VPS53: variants seen among roughly 807,000 people sequenced by gnomAD.
VPS53 encodes the protein VPS53 subunit of GARP complex, also known as vacuolar protein sorting-associated protein 53 homolog.
VPS53 carries 70 observed loss-of-function variants against 107.0 expected under a neutral mutation model. The observed-to-expected ratio is 0.65, with a 90% CI of 0.54 to 0.80. VPS53 has a LOEUF of 0.80. Ranked by LOEUF, VPS53 falls within the 30% of genes least tolerant of loss-of-function variation. VPS53 has a pLI of 0.00. For synonymous variants in VPS53, 409 were observed against 393.3 expected (o/e 1.04, Z -0.47); for missense variants, 917 against 1,049.4 (o/e 0.87, Z 1.74).
chr17:582,431 A>G (rs981299475), intron 13 of VPS53, among the ~76,000 whole-genome samples: 1 of 142,524 alleles, frequency 7.0e-6, no homozygotes, highest in Admixed American at 7.2e-5. Context: ...TTCCCACAGA[A>G]CTTCCCTCAT....
intron 12 of VPS53, among the ~76,000 whole-genome samples, chr17:591,219 G>T (rs1316724121): frequency 2.7e-3 from 350 of 129,058 alleles, no homozygotes; most frequent in South Asian, 3.8e-3. Flanking sequence ...GGGATCGGTG[G>T]TGATATCCCC....
intron 11 of VPS53, among the ~76,000 whole-genome samples, chr17:606,170 TGA>T (rs1169666865): frequency 6.6e-6 from 1 of 152,132 alleles, no homozygotes; most frequent in East Asian, 1.9e-4. Flanking sequence ...GAGGCTTTGC[TGA>T]GAGAGTGAGA....
intron 4 of VPS53, chr17:675,283 C>T (rs1038546667): frequency 2.6e-5 from 4 of 152,156 alleles, no homozygotes; most frequent in Non-Finnish European, 4.4e-5. Context: ...TTAGAAGTAG[C>T]ACTTTGCCTA....
chr17:672,023 G>C (rs955235635), intron 4 of VPS53, among the ~76,000 whole-genome samples: 1 of 151,498 alleles, frequency 6.6e-6, no homozygotes. Flanking sequence ...GGTGGTAGGA[G>C]TCCCAAGAAG....
At chr17:702,983 G>C (rs938462171) in intron 2 of VPS53, among the ~76,000 whole-genome samples, 3 of 152,192 alleles carry the variant, frequency 2.0e-5, no homozygotes, top group Admixed American at 2.0e-4. Flanking sequence ...AGGTACGTGG[G>C]TTTCCTAAGC....
intron 19 of VPS53, among the ~76,000 whole-genome samples, chr17:522,242 A>G (rs1014627720): frequency 6.6e-6 from 1 of 152,216 alleles, no homozygotes; most frequent in Non-Finnish European, 1.5e-5. Context: ...TGGGTGACAG[A>G]GGGAGACCCT....
chr17:607,037 G>A (rs970753516), intron 11 of VPS53, among the ~76,000 whole-genome samples: 1 of 152,148 alleles, frequency 6.6e-6, no homozygotes, highest in African/African-American at 2.4e-5. Flanking sequence ...GTTAAGCAAT[G>A]CATGACTGAA....
At chr17:559,239 C>G (rs1435882813) in intron 15 of VPS53, among the ~76,000 whole-genome samples, 1 of 152,084 alleles carries the variant, frequency 6.6e-6, no homozygotes, top group African/African-American at 2.4e-5. Context: ...CCCCAAATTG[C>G]TAATATGATT....
chr17:575,045 G>A (rs372400910), intron 13 of VPS53, among the ~76,000 whole-genome samples: 4 of 152,330 alleles, frequency 2.6e-5, no homozygotes, highest in South Asian at 4.1e-4. Flanking sequence ...TGCTGGGCAC[G>A]TGCCCACTGG....
intron 4 of VPS53, among the ~76,000 whole-genome samples, chr17:671,347 A>T (rs1415059606): frequency 6.6e-6 from 1 of 151,752 alleles, no homozygotes; most frequent in East Asian, 1.9e-4. Flanking sequence ...AAGAAAGAGG[A>T]AAGAAAGAAA....
intron 15 of VPS53, among the ~76,000 whole-genome samples, chr17:556,392 T>C (rs1309851863): frequency 6.6e-6 from 1 of 152,244 alleles, no homozygotes; most frequent in Non-Finnish European, 1.5e-5. Context: ...TCAATGTTAA[T>C]AATATGGGAA....
intron 4 of VPS53, among the ~76,000 whole-genome samples, chr17:669,486 C>T (rs551858605): frequency 1.2e-4 from 18 of 151,338 alleles, no homozygotes; most frequent in Middle Eastern, 3.4e-3. Flanking sequence ...CCAGCTACTC[C>T]GGAGGCTGAG....
At chr17:577,931 C>A (rs1199016311) in intron 13 of VPS53, among the ~76,000 whole-genome samples, 2 of 151,988 alleles carry the variant, frequency 1.3e-5, no homozygotes, top group African/African-American at 4.8e-5. Context: ...AAAGATCCTC[C>A]CTCAGGACCT....
chr17:687,944 T>C (rs1236913886), intron 4 of VPS53, among the ~76,000 whole-genome samples: 1 of 152,086 alleles, frequency 6.6e-6, no homozygotes, highest in Admixed American at 6.6e-5. Flanking sequence ...CAATGTTACA[T>C]CACTGAAGAT....
chr17:632,188 C>T (rs907436404), intron 7 of VPS53, among the ~76,000 whole-genome samples: 1 of 152,100 alleles, frequency 6.6e-6, no homozygotes, highest in Non-Finnish European at 1.5e-5. Context: ...TTTGAAGATA[C>T]ACTGAGCTAT....
At chr17:592,931 C>A (rs1308956532) in intron 12 of VPS53, among the ~76,000 whole-genome samples, 1 of 152,170 alleles carries the variant, frequency 6.6e-6, no homozygotes, top group Non-Finnish European at 1.5e-5. Flanking sequence ...TGAATGTTGG[C>A]CTGCCTTGCT....
At chr17:570,017 A>G (rs1432155597) in intron 13 of VPS53, among the ~76,000 whole-genome samples, 1 of 152,140 alleles carries the variant, frequency 6.6e-6, no homozygotes, top group Non-Finnish European at 1.5e-5. Context: ...TTCTCCCAAC[A>G]CTTATTAATA....
intron 18 of VPS53, among the ~76,000 whole-genome samples, chr17:534,056 T>G (rs1909819378): frequency 6.6e-6 from 1 of 152,114 alleles, no homozygotes; most frequent in South Asian, 2.1e-4. Context: ...GCCAGGCTGG[T>G]CTCGAACTCC....
chr17:553,405 T>A lies in VPS53; in HGVS notation c.1762A>T (p.Thr588Ser). ...GTGCTGAACGTGTCCATCTCTCCAG[T>A]CAGATTGATTCGTTCAATCAGACTT... ...DVSLIERINL[T>S]GEMDTFSTVI... is the part of the protein sequence containing the mutation. The change falls in exon 16 of 22, where the codon ACT (threonine) becomes TCT (serine). Residue 588 changes from threonine (T) to serine (S), a missense_variant. Physicochemically the swap from Thr to Ser is moderately conservative, Grantham distance 58. Coordinates refer to ENST00000437048, the MANE Select transcript of VPS53 (RefSeq NM_001128159.3). The A allele has an allele frequency of 6.2e-7, 1 of 1,614,084 alleles. No individual in the cohort carries two copies. Among genetic ancestry groups the A allele is most frequent in the Non-Finnish European group, 8.5e-7 (1 of 1,180,018 alleles).
Sources: allele counts gnomAD v4.1 joint callset (sites outside exome capture counted in the v4.1 genomes callset), GRCh38; gene constraint gnomAD v4.1.1; transcripts MANE v1.5; gene names NCBI Gene and HGNC (gene_info 2026-07-23, HGNC 2026-07-21).